RAB10: variants seen among roughly 807,000 people sequenced by gnomAD.
The protein encoded by RAB10 is ras-related protein Rab-10.
RAB10 carries 5 observed loss-of-function variants against 25.7 expected under a neutral mutation model. The observed-to-expected ratio is 0.19, with a 90% CI of 0.10 to 0.41. The LOEUF (loss-of-function observed/expected upper bound fraction) is 0.41. Among genes scored for constraint, RAB10 ranks in the 10% least tolerant of loss-of-function variants. The probability of loss-of-function intolerance (pLI) is 1.00; values close to 1 mark genes in which losing one functional copy is unlikely to be tolerated. For missense variants in RAB10, 103 were observed against 245.8 expected, an observed-to-expected ratio of 0.42 and a Z score of 3.89; for synonymous variants, 89 against 86.4, an observed-to-expected ratio of 1.03 and a Z score of -0.16.
chr2:26,034,128 G>T lies in RAB10; in HGVS notation c.-481G>T, dbSNP rs1056330650. 2.5e-6 allele frequency: 1 copy of T among 404,826 alleles called. No homozygotes were observed. The allele number at this position is 404,826 out of a possible 1,614,324, so 25.1% of individuals were successfully genotyped here. ...CCGGCGTGAGAGGGCACGGGGAAAA[G>T]GTGGCTCTGGCCGGGGTGGCTCGGT... On this transcript the variant is annotated 5_prime_UTR_variant, in exon 1 of 6. It adds an upstream start codon to the 5' untranslated region. Coordinates refer to ENST00000264710, the MANE Select transcript of RAB10 (RefSeq NM_016131.5).
chr2:26,118,497 A>G (rs1667739631), intron 3 of RAB10, among the ~76,000 whole-genome samples: 1 of 152,132 alleles, frequency 6.6e-6, no homozygotes, highest in Admixed American at 6.5e-5. Context: ...AAATATCAGA[A>G]CAACTATGAG....
chr2:26,115,268 C>A (rs144053715), intron 3 of RAB10, among the ~76,000 whole-genome samples: 1 of 151,888 alleles, frequency 6.6e-6, no homozygotes, highest in Non-Finnish European at 1.5e-5. Context: ...CAATATATAT[C>A]CACAAAAGGT....
intron 1 of RAB10, among the ~76,000 whole-genome samples, chr2:26,066,813 C>T (rs1574535509): frequency 7.3e-6 from 1 of 137,578 alleles, no homozygotes; most frequent in East Asian, 2.1e-4. Flanking sequence ...TACGGAGTCT[C>T]ACTCTGTCAC....
At chr2:26,039,850 GA>G (rs919746161) in intron 1 of RAB10, among the ~76,000 whole-genome samples, 3 of 150,232 alleles carry the variant, frequency 2.0e-5, no homozygotes, top group African/African-American at 4.9e-5. Flanking sequence ...CTGTCTGTAT[GA>G]AAAAAAAATT....
chr2:26,090,031 C>A (rs1667070282), intron 1 of RAB10, among the ~76,000 whole-genome samples: 2 of 152,146 alleles, frequency 1.3e-5, no homozygotes, highest in South Asian at 4.2e-4. Flanking sequence ...CCTTCCCACT[C>A]CCAGGAAAAA....
chr2:26,133,884 G>C (rs1668055882), intron 5 of RAB10, among the ~76,000 whole-genome samples: 1 of 152,082 alleles, frequency 6.6e-6, no homozygotes. Context: ...ATGTTGGCCA[G>C]GCTGGTCTCG....
At chr2:26,038,493 G>C (rs1346476603) in intron 1 of RAB10, among the ~76,000 whole-genome samples, 1 of 152,070 alleles carries the variant, frequency 6.6e-6, no homozygotes, top group African/African-American at 2.4e-5. Flanking sequence ...ACTGCGCCCA[G>C]CCTAGACTCT....
intron 5 of RAB10, among the ~76,000 whole-genome samples, chr2:26,129,089 G>C (rs1273991398): frequency 6.6e-6 from 1 of 152,072 alleles, no homozygotes; most frequent in Non-Finnish European, 1.5e-5. Context: ...GGCCAACACG[G>C]TGAAACCCCA....
At position 26,079,310 on chromosome 2, in the gene RAB10, AACACACACACACAAACACACAC is replaced by A. The variant is rs1008484164; in HGVS notation, c.128-19338_128-19317del. On this transcript the variant is annotated intron_variant, in intron 1 of 5. Transcript: ENST00000264710. Reference sequence around the variant, plus strand: ...TGGGGGTAGGAGCTAGCAAGTTTGAAACACACACACACAAACACACACACACACACACACACACACACACTAT... The same window carrying A: ...TGGGGGTAGGAGCTAGCAAGTTTGAAACACACACACACACACACACACTAT... Among the ~76,000 whole-genome samples the A allele has an allele frequency of 1.3e-3, 77 of 61,388 alleles. 2 individuals are homozygous for A. In the South Asian group the frequency reaches 0.028, roughly 23 times the overall value. 40.3% of individuals were successfully genotyped at this position (61,388 alleles called of 152,430 possible).
chr2:26,072,308 C>T (rs956313449), intron 1 of RAB10, among the ~76,000 whole-genome samples: 6 of 152,032 alleles, frequency 3.9e-5, no homozygotes, highest in Non-Finnish European at 8.8e-5. Flanking sequence ...CTCAGCTACT[C>T]GGGAGGCTGA....
chr2:26,055,762 T>C (rs1037038244), intron 1 of RAB10, among the ~76,000 whole-genome samples: 1 of 151,998 alleles, frequency 6.6e-6, no homozygotes, highest in Non-Finnish European at 1.5e-5. Context: ...TGGCCTCAAG[T>C]GATCCACCTG....
chr2:26,051,645 T>C (rs1337964297), intron 1 of RAB10, among the ~76,000 whole-genome samples: 2 of 149,362 alleles, frequency 1.3e-5, no homozygotes. Flanking sequence ...TCCCAGCTAC[T>C]CGGGAGGCTG....
chr2:26,071,348 A>G (rs892281148), intron 1 of RAB10, among the ~76,000 whole-genome samples: 5 of 152,194 alleles, frequency 3.3e-5, no homozygotes, highest in Admixed American at 6.5e-5. Flanking sequence ...TCTTGAATGA[A>G]TGAAGTGACA....
At chr2:26,059,460 T>A (rs1011798160) in intron 1 of RAB10, among the ~76,000 whole-genome samples, 9 of 152,206 alleles carry the variant, frequency 5.9e-5, no homozygotes, top group African/African-American at 1.9e-4. Context: ...ACCCTTAGTT[T>A]AGGGATTTTG....
chr2:26,099,311 GAT>G (rs1667291946), intron 2 of RAB10, among the ~76,000 whole-genome samples: 1 of 152,076 alleles, frequency 6.6e-6, no homozygotes, highest in Middle Eastern at 3.2e-3. Context: ...TAATCTAACT[GAT>G]ATAGAATAAG....
In RAB10 at chr2:26,036,043, T is replaced by C. The variant is rs578066735; in HGVS notation, c.127+1308T>C. 4.3e-4 allele frequency among the ~76,000 whole-genome samples: 65 copies of C among 152,318 alleles called. 2 individuals carry two copies. The South Asian group carries it at 0.013, about 30-fold the overall frequency. On this transcript the variant is annotated intron_variant, in intron 1 of 5. Coordinates refer to ENST00000264710, the MANE Select transcript of RAB10 (RefSeq NM_016131.5). ...CATAAATTTCATGAAACTTAGAGCT[T>C]GTTCTCTAACTTGTGGGTTAGAGAA...
At chr2:26,034,878 G>A in intron 1 of RAB10, 143 bp downstream of exon 1, 7 of 1,276,462 alleles carry the variant, frequency 5.5e-6, no homozygotes, top group Non-Finnish European at 7.6e-6. Context: ...GTTTGAATCG[G>A]CATCGAGCTT....
intron 1 of RAB10, among the ~76,000 whole-genome samples, chr2:26,080,867 A>G (rs1666855074): frequency 6.6e-6 from 1 of 152,268 alleles, no homozygotes; most frequent in African/African-American, 2.4e-5. Context: ...ACCTTAACCA[A>G]GTATTTGAAG....
chr2:26,045,496 C>A lies in RAB10; in HGVS notation c.127+10761C>A, dbSNP rs550294445. Among the ~76,000 whole-genome samples the A allele has an allele frequency of 9.9e-5, 15 of 152,280 alleles. No homozygotes were observed. In the East Asian group the frequency reaches 2.7e-3, roughly 27 times the overall value. The stretch of plus-strand genomic sequence containing the variant: ...CCTCATGATCCGCCCGCCTCTGCCT[C>A]CCAAAGTGCTGGGATTACAGGCGTG... On this transcript the variant is annotated intron_variant, in intron 1 of 5. Coordinates refer to ENST00000264710, the MANE Select transcript of RAB10 (RefSeq NM_016131.5).
Sources: allele counts gnomAD v4.1 joint callset (sites outside exome capture counted in the v4.1 genomes callset), GRCh38; gene constraint gnomAD v4.1.1; transcripts MANE v1.5; gene names NCBI Gene and HGNC (gene_info 2026-07-23, HGNC 2026-07-21).